The following OR3A2 variants were observed in gnomAD, a reference collection of about 807,000 sequenced individuals.
OR3A2 encodes olfactory receptor 3A2.
For synonymous variants in OR3A2, 126 were observed against 159.3 expected (o/e 0.79, Z 1.57); for missense variants, 318 against 392.8 (o/e 0.81, Z 1.61).
Position 3,347,499 on chromosome 17 carries a change from G to GT in OR3A2, c.-178-11374dup, listed in dbSNP as rs2049376741. ...TATGAGTGAGAACATGCGGTGTTTG[G>GT]TTTTTTGTTCTTGCAATAGTTTACT... On this transcript the variant is annotated intron_variant, in intron 2 of 4. Transcript: ENST00000573491. Among the ~76,000 whole-genome samples, 12 of 152,142 alleles carry GT rather than the reference G, an allele frequency of 7.9e-5. No individual in the cohort carries two copies. In the South Asian group the frequency reaches 2.3e-3, roughly 29 times the overall value.
At position 3,306,694 on chromosome 17, in the gene OR3A2, A is replaced by AAAAAAAAAAAC. The variant is rs1429072041; in HGVS notation, c.-84-27542_-84-27541insGTTTTTTTTTT. Among the ~76,000 whole-genome samples the AAAAAAAAAAAC allele has an allele frequency of 7.6e-5, 9 of 118,224 alleles. 1 individual carries two copies. The highest frequency in any genetic ancestry group is 4.4e-4 in the Admixed American group (5 of 11,254). The allele number at this position is 118,224 out of a possible 152,430, so 77.6% of individuals were successfully genotyped here. On this transcript the variant is annotated intron_variant, in intron 3 of 4. Transcript: ENST00000573491. ...TACTACTCTTCAAAAAAAAAAAAAA[A>AAAAAAAAAAAC]ACCGTAACCCCTTTTATTTTCTCCA... is the stretch of plus-strand genomic sequence containing the variant.
At chr17:3,336,467 A>C (rs574973543) in intron 2 of OR3A2, among the ~76,000 whole-genome samples, 11 of 152,316 alleles carry the variant, frequency 7.2e-5, no homozygotes, top group African/African-American at 2.6e-4. Context: ...TAAGAAGTGT[A>C]ACTAATGATA....
intron 3 of OR3A2, among the ~76,000 whole-genome samples, chr17:3,326,415 A>C (rs543904094): frequency 6.6e-6 from 1 of 152,230 alleles, no homozygotes; most frequent in African/African-American, 2.4e-5. Flanking sequence ...TGTTGCGGGA[A>C]GTCAGGGACC....
At chr17:3,380,788 C>A (rs1041353619) in intron 2 of OR3A2, among the ~76,000 whole-genome samples, 1 of 152,124 alleles carries the variant, frequency 6.6e-6, no homozygotes, top group African/African-American at 2.4e-5. Flanking sequence ...AACCCCCAGG[C>A]CTGAGAGCGT....
At position 3,280,722 on chromosome 17, in the gene OR3A2, G is replaced by A. The variant is rs185110845; in HGVS notation, c.-6-1799C>T. Among the ~76,000 whole-genome samples the A allele has an allele frequency of 1.2e-3, 182 of 152,320 alleles. 1 individual carries two copies. The highest frequency in any genetic ancestry group is 1.2e-3 in the Admixed American group (19 of 15,300). Reference sequence around the variant, plus strand: ...CAGAGGATGGGAAGCAGCTGGAGGGGAACAGTGATGATTGCCTGAGCTGGG... The same window carrying A: ...CAGAGGATGGGAAGCAGCTGGAGGGAAACAGTGATGATTGCCTGAGCTGGG... On this transcript the variant is annotated intron_variant, in intron 1 of 1. Coordinates refer to ENST00000642052, the Ensembl canonical transcript of OR3A2.
At chr17:3,356,797 G>A (rs747579243) in intron 2 of OR3A2, among the ~76,000 whole-genome samples, 1 of 151,710 alleles carries the variant, frequency 6.6e-6, no homozygotes, top group Non-Finnish European at 1.5e-5. Flanking sequence ...TAAGTTTATA[G>A]TAACTATATA....
intron 2 of OR3A2, among the ~76,000 whole-genome samples, chr17:3,337,494 A>G (rs2049282329): frequency 6.6e-6 from 1 of 151,462 alleles, no homozygotes; most frequent in African/African-American, 2.4e-5. Context: ...CTCATTGTTC[A>G]TTTCTCACAT....
chr17:3,282,445 G>A (rs1362002393), intron 1 of OR3A2, among the ~76,000 whole-genome samples: 8 of 152,162 alleles, frequency 5.3e-5, no homozygotes, highest in Non-Finnish European at 1.0e-4. Flanking sequence ...AGACTGACCC[G>A]CAGTTTCATG....
intron 2 of OR3A2, among the ~76,000 whole-genome samples, chr17:3,375,151 TTTTTTTTTTTTTTTTTTTC>T (rs1481323711): frequency 1.6e-5 from 2 of 121,248 alleles, no homozygotes; most frequent in African/African-American, 3.2e-5. Context: ...TTTTTTTTTT[TTTTTTTTTTTTTTTTTTTC>T]TTTTTGAGAC....
In OR3A2 at chr17:3,338,763, T is replaced by C. The variant is rs549617870; in HGVS notation, c.-178-2637A>G. On this transcript the variant is annotated intron_variant, in intron 2 of 4. Transcript: ENST00000573491. ...TCTCTTGGCAATGCAGGCTCTTTTT[T>C]GGTTCCATATGAACTTTAAAGTAGT... is the stretch of plus-strand genomic sequence containing the variant. Among the ~76,000 whole-genome samples, 8 of 152,356 alleles carry C rather than the reference T, an allele frequency of 5.3e-5. 1 individual carries two copies. In the South Asian group the frequency reaches 1.7e-3, roughly 32 times the overall value.
At chr17:3,307,758 G>A (rs2049009228) in intron 3 of OR3A2, among the ~76,000 whole-genome samples, 1 of 152,120 alleles carries the variant, frequency 6.6e-6, no homozygotes, top group Non-Finnish European at 1.5e-5. Flanking sequence ...TGTGATGGGA[G>A]GTGACCTTGT....
chr17:3,380,289 C>A (rs1597366694), intron 2 of OR3A2, among the ~76,000 whole-genome samples: 2 of 152,312 alleles, frequency 1.3e-5, no homozygotes, highest in South Asian at 4.1e-4. Context: ...ACGAGAACGA[C>A]CTGCCAACGT....
chr17:3,313,195 G>C (rs2049058034), intron 3 of OR3A2, among the ~76,000 whole-genome samples: 1 of 152,122 alleles, frequency 6.6e-6, no homozygotes. Context: ...AATCCTTCAG[G>C]CACTTCCTGG....
At chr17:3,308,323 C>T (rs1357934327) in intron 3 of OR3A2, among the ~76,000 whole-genome samples, 1 of 152,152 alleles carries the variant, frequency 6.6e-6, no homozygotes, top group Non-Finnish European at 1.5e-5. Context: ...TATAAGCCAT[C>T]CCCTCTGCAG....
intron 2 of OR3A2, among the ~76,000 whole-genome samples, chr17:3,343,468 C>A (rs2049337622): frequency 6.6e-6 from 1 of 152,136 alleles, no homozygotes; most frequent in Non-Finnish European, 1.5e-5. Flanking sequence ...TCAGTATGCC[C>A]CATCCAATAT....
chr17:3,277,809 T>C, exon 2 of OR3A2: 1 of 756,446 alleles, frequency 1.3e-6, no homozygotes, highest in East Asian at 2.5e-5. Context: ...GTTGAATGAA[T>C]AAATTATGTA....
intron 3 of OR3A2, among the ~76,000 whole-genome samples, chr17:3,302,460 C>A (rs150161016): frequency 2.5e-4 from 38 of 152,276 alleles, no homozygotes; most frequent in African/African-American, 8.7e-4. Context: ...ACCATCTGAT[C>A]TTTGACAAAC....
intron 2 of OR3A2, among the ~76,000 whole-genome samples, chr17:3,351,734 A>C (rs1091590): frequency 6.6e-6 from 1 of 150,804 alleles, no homozygotes; most frequent in Admixed American, 6.6e-5. Context: ...AGTCAATCCT[A>C]AGCCAAAAGA....
At chr17:3,380,909 G>A in intron 2 of OR3A2, among the ~76,000 whole-genome samples, 1 of 152,222 alleles carries the variant, frequency 6.6e-6, no homozygotes, top group East Asian at 1.9e-4. Context: ...GTATGTGGAT[G>A]TTTGCGTGTA....
Sources: gnomAD v4.1 joint callset for allele counts (sites outside exome capture counted in the v4.1 genomes callset) on GRCh38, gnomAD v4.1.1 for gene constraint, MANE v1.5 for transcripts, NCBI Gene and HGNC (gene_info 2026-07-23, HGNC 2026-07-21) for gene names.